Variants in GALNTL6 observed in about 807,000 individuals in gnomAD.
GALNTL6 encodes polypeptide N-acetylgalactosaminyltransferase like 6.
GALNTL6 carries 46 observed loss-of-function variants against 73.7 expected under a neutral mutation model. That is an observed-to-expected ratio of 0.62 (90% CI 0.49 to 0.80). The LOEUF is 0.80. Ranked by LOEUF, GALNTL6 falls within the 30% of genes least tolerant of loss-of-function variation. The pLI is 0.00. For synonymous variants in GALNTL6, 259 were observed against 263.7 expected (o/e 0.98, Z 0.17); for missense variants, 604 against 755.0 (o/e 0.80, Z 2.34).
intron 2 of GALNTL6, among the ~76,000 whole-genome samples, chr4:171,984,723 A>AG (rs1383094928): frequency 6.6e-6 from 1 of 152,156 alleles, no homozygotes; most frequent in African/African-American, 2.4e-5. Context: ...TAGAAAAGAG[A>AG]GAAAAAATAA....
At chr4:172,642,874 T>A (rs1489989571) in intron 5 of GALNTL6, among the ~76,000 whole-genome samples, 1 of 151,938 alleles carries the variant, frequency 6.6e-6, no homozygotes, top group African/African-American at 2.4e-5. Flanking sequence ...TTTGAATGTA[T>A]GAATGAATGG....
intron 5 of GALNTL6, among the ~76,000 whole-genome samples, chr4:172,743,761 A>T (rs1285363508): frequency 6.6e-6 from 1 of 152,134 alleles, no homozygotes; most frequent in African/African-American, 2.4e-5. Flanking sequence ...CGATGTCCTT[A>T]CAAACTTATA....
chr4:172,427,797 C>T (rs778822980), intron 5 of GALNTL6, among the ~76,000 whole-genome samples: 46 of 152,026 alleles, frequency 3.0e-4, no homozygotes, highest in African/African-American at 4.1e-4. Flanking sequence ...ATTAAAACAC[C>T]GTAACTATAT....
Position 171,920,963 on chromosome 4 carries a change from A to ATC in GALNTL6, c.138+106247_138+106248dup, listed in dbSNP as rs762424574. On this transcript the variant is annotated intron_variant, in intron 2 of 12. Transcript: ENST00000506823. ...AGTTGTATTGTATGCGCATTGTAAA[A>ATC]TCTATCTCATACAATAATTTAAGGT... Among the ~76,000 whole-genome samples the ATC allele has an allele frequency of 4.3e-4, 66 of 152,240 alleles. 1 individual carries two copies. Among genetic ancestry groups the ATC allele is most frequent in the Admixed American group, 3.9e-4 (6 of 15,282 alleles).
chr4:172,116,228 G>A (rs1003602913), intron 2 of GALNTL6, among the ~76,000 whole-genome samples: 4 of 152,036 alleles, frequency 2.6e-5, no homozygotes, highest in Non-Finnish European at 4.4e-5. Flanking sequence ...AACAGCTAAT[G>A]TGTTAGAAAT....
At chr4:172,110,095 T>G (rs979815705) in intron 2 of GALNTL6, among the ~76,000 whole-genome samples, 1 of 152,234 alleles carries the variant, frequency 6.6e-6, no homozygotes, top group Non-Finnish European at 1.5e-5. Flanking sequence ...TATCTTGGAC[T>G]CTAGAACTTT....
intron 5 of GALNTL6, among the ~76,000 whole-genome samples, chr4:172,774,959 CAATAATAATAATAATAAT>C (rs57591714): frequency 3.6e-5 from 5 of 140,576 alleles, no homozygotes; most frequent in East Asian, 2.0e-4. Flanking sequence ...GGCTCCATCT[CAATAATAATAATAATAAT>C]AATAATAATA....
At chr4:172,208,214 G>A (rs72998350) in intron 2 of GALNTL6, among the ~76,000 whole-genome samples, 2,058 of 152,138 alleles carry the variant, frequency 0.014, 43 homozygotes, top group African/African-American at 0.046. Flanking sequence ...CTTTTCCCCA[G>A]CAAGTTTAAA....
intron 2 of GALNTL6, among the ~76,000 whole-genome samples, chr4:171,899,302 T>C (rs1737012626): frequency 6.6e-6 from 1 of 152,094 alleles, no homozygotes; most frequent in African/African-American, 2.4e-5. Flanking sequence ...TATATTTTTA[T>C]TCTCATTCAA....
chr4:173,010,767 G>GTATTTT (rs1752514658), intron 11 of GALNTL6, among the ~76,000 whole-genome samples: 1 of 133,992 alleles, frequency 7.5e-6, no homozygotes, highest in African/African-American at 3.1e-5. Context: ...GCTAATTTTT[G>GTATTTT]TATTTTTTTT....
chr4:172,086,102 G>A (rs1732025096), intron 2 of GALNTL6, among the ~76,000 whole-genome samples: 1 of 151,994 alleles, frequency 6.6e-6, no homozygotes, highest in Non-Finnish European at 1.5e-5. Context: ...TATTCTCTCG[G>A]CTGGCATTAT....
intron 12 of GALNTL6, among the ~76,000 whole-genome samples, chr4:173,036,669 A>G (rs1177462640): frequency 1.3e-5 from 2 of 152,214 alleles, no homozygotes; most frequent in Admixed American, 1.3e-4. Flanking sequence ...AGTAAAGGGA[A>G]ATGCACTGCT....
At chr4:172,279,891 C>T (rs1738980409) in intron 3 of GALNTL6, among the ~76,000 whole-genome samples, 1 of 152,132 alleles carries the variant, frequency 6.6e-6, no homozygotes, top group South Asian at 2.1e-4. Context: ...GAATACTATT[C>T]AGCCTTATGA....
At chr4:172,717,845 G>A (rs1262698242) in intron 5 of GALNTL6, among the ~76,000 whole-genome samples, 1 of 152,152 alleles carries the variant, frequency 6.6e-6, no homozygotes, top group East Asian at 1.9e-4. Context: ...AGACTTTAAA[G>A]GATAAAGAAA....
chr4:172,524,306 T>C (rs1734879533), intron 5 of GALNTL6, among the ~76,000 whole-genome samples: 1 of 152,058 alleles, frequency 6.6e-6, no homozygotes, highest in Non-Finnish European at 1.5e-5. Context: ...TGGAGTGCAG[T>C]GGTGCAGTCT....
At chr4:172,007,026 G>A (rs1396341017) in intron 2 of GALNTL6, among the ~76,000 whole-genome samples, 4 of 152,054 alleles carry the variant, frequency 2.6e-5, no homozygotes, top group Admixed American at 6.6e-5. Flanking sequence ...AGTAATTTAT[G>A]TGCAAAGAAC....
At chr4:172,671,599 T>A (rs533369762) in intron 5 of GALNTL6, among the ~76,000 whole-genome samples, 1 of 152,352 alleles carries the variant, frequency 6.6e-6, no homozygotes, top group African/African-American at 2.4e-5. Flanking sequence ...GATTATATCA[T>A]CTGCAAACAG....
At chr4:172,158,438 C>G (rs1174168482) in intron 2 of GALNTL6, among the ~76,000 whole-genome samples, 1 of 151,864 alleles carries the variant, frequency 6.6e-6, no homozygotes, top group Non-Finnish European at 1.5e-5. Flanking sequence ...AGCTAGCAAA[C>G]TTTTCCCTGA....
chr4:172,403,993 G>C (rs1330162787), intron 5 of GALNTL6, among the ~76,000 whole-genome samples: 1 of 151,888 alleles, frequency 6.6e-6, no homozygotes, highest in Non-Finnish European at 1.5e-5. Context: ...TTAAACCACT[G>C]TCTTTTAAGG....
Sources: allele counts gnomAD v4.1 joint callset (sites outside exome capture counted in the v4.1 genomes callset), GRCh38; gene constraint gnomAD v4.1.1; transcripts MANE v1.5; gene names NCBI Gene and HGNC (gene_info 2026-07-23, HGNC 2026-07-21).